Variants in ALDH1L1 observed in about 807,000 individuals in gnomAD.
ALDH1L1 encodes cytosolic 10-formyltetrahydrofolate dehydrogenase.
In ALDH1L1, 68 loss-of-function variants were observed where a neutral mutation model predicts 101.1. The ratio of observed to expected loss-of-function variants is 0.67; its 90% confidence interval spans 0.55 to 0.82. ALDH1L1 has a LOEUF of 0.82. Among genes scored for constraint, ALDH1L1 ranks in the 40% least tolerant of loss-of-function variants. The pLI, the probability that ALDH1L1 is intolerant of heterozygous loss-of-function variation, is 0.00. For missense variants in ALDH1L1, 1,087 were observed against 1,172.7 expected, an observed-to-expected ratio of 0.93 and a Z score of 1.07; for synonymous variants, 486 against 470.8, an observed-to-expected ratio of 1.03 and a Z score of -0.42.
intron 11 of ALDH1L1, among the ~76,000 whole-genome samples, 161 bp downstream of exon 11, chr3:126,136,603 A>G (rs9282696): frequency 0.06 from 9,055 of 152,068 alleles, 852 homozygotes; most frequent in African/African-American, 0.2. Flanking sequence ...CACTCCAGTA[A>G]GGTGGGCTGG....
rs549410815 is a variant in ALDH1L1 at position 126,171,613 on chromosome 3, A to G, written c.-24+8863T>C. Among the ~76,000 whole-genome samples the G allele has an allele frequency of 2.6e-5, 4 of 152,276 alleles. No individual in the cohort carries two copies. In the South Asian group the frequency reaches 8.3e-4, roughly 32 times the overall value. On this transcript the variant is annotated intron_variant, in intron 1 of 22. Transcript: ENST00000393434. The stretch of plus-strand genomic sequence containing the variant: ...TTCTCACAGTAAGGATTGGAGAAAA[A>G]TCCCCTTCTGGTTTTGGCAGGAGGC...
chr3:126,147,394 A>G (rs1255935768), intron 8 of ALDH1L1, among the ~76,000 whole-genome samples: 3 of 152,186 alleles, frequency 2.0e-5, no homozygotes, highest in Admixed American at 2.0e-4. Flanking sequence ...GAAGGTGACT[A>G]TGAGGCTCAC....
At chr3:126,135,445 A>G (rs756429433) in intron 12 of ALDH1L1, 90 bp downstream of exon 12, 99 of 1,543,958 alleles carry the variant, frequency 6.4e-5, no homozygotes, top group Middle Eastern at 1.7e-4. Flanking sequence ...TCCTCCTGGC[A>G]GGTAAAAGGG....
intron 4 of ALDH1L1, chr3:126,156,089 C>T (rs1210455937): frequency 6.6e-6 from 1 of 152,324 alleles, no homozygotes; most frequent in Non-Finnish European, 1.5e-5. Context: ...CCAATGGAGC[C>T]CTCTGTGGTG....
intron 1 of ALDH1L1, among the ~76,000 whole-genome samples, chr3:126,167,835 G>A (rs2081198983): frequency 6.6e-6 from 1 of 152,070 alleles, no homozygotes; most frequent in African/African-American, 2.4e-5. Context: ...TTACCCAAGT[G>A]TTTAAAATTG....
chr3:126,109,655 A>T (rs989708412), intron 20 of ALDH1L1, among the ~76,000 whole-genome samples: 1 of 152,202 alleles, frequency 6.6e-6, no homozygotes, highest in Non-Finnish European at 1.5e-5. Flanking sequence ...ATCTAGTCTC[A>T]TGAAATCTAT....
chr3:126,111,281 G>A (rs1028055268), intron 19 of ALDH1L1, among the ~76,000 whole-genome samples: 1 of 152,258 alleles, frequency 6.6e-6, no homozygotes. Flanking sequence ...AATGTTTCGT[G>A]CATTTCAAGA....
At chr3:126,104,161 C>T in intron 22 of ALDH1L1, 1 of 434,748 alleles carries the variant, frequency 2.3e-6, no homozygotes, top group Non-Finnish European at 4.2e-6. Flanking sequence ...GGCGTTACTG[C>T]CCAGACTCAC....
At chr3:126,138,553 G>A (rs184374899) in intron 9 of ALDH1L1, among the ~76,000 whole-genome samples, 30 of 152,246 alleles carry the variant, frequency 2.0e-4, no homozygotes, top group African/African-American at 7.0e-4. Context: ...AGGCACTGGG[G>A]AAATGCAAAT....
intron 14 of ALDH1L1, among the ~76,000 whole-genome samples, chr3:126,128,053 G>C (rs552635979): frequency 2.6e-5 from 4 of 152,136 alleles, no homozygotes; most frequent in Non-Finnish European, 5.9e-5. Flanking sequence ...TGGGATCCGT[G>C]AGGCCAGCAC....
At chr3:126,132,378 A>G (rs1559935858) in intron 12 of ALDH1L1, among the ~76,000 whole-genome samples, 1 of 151,904 alleles carries the variant, frequency 6.6e-6, no homozygotes, top group African/African-American at 2.4e-5. Flanking sequence ...ACCTGCCTAC[A>G]CCCACCAGGA....
chr3:126,105,977 T>TGGCCCACTCCACACCCC lies in ALDH1L1; in HGVS notation c.2454-69_2454-53dup, dbSNP rs778930779. On this transcript the variant is annotated intron_variant, in intron 21 of 22. Transcript: ENST00000393434. ...CCTGAGGGAGGTGCAGAGGAGAGCC[T>TGGCCCACTCCACACCCC]GGCCCACTCCACACCCCGGCCCACT... 3.2e-6 allele frequency: 5 copies of TGGCCCACTCCACACCCC among 1,571,958 alleles called. No individual in the cohort carries two copies. In the East Asian group the frequency reaches 6.8e-5, roughly 21 times the overall value.
intron 9 of ALDH1L1, among the ~76,000 whole-genome samples, chr3:126,138,343 CA>C (rs1161052539): frequency 6.6e-6 from 1 of 152,180 alleles, no homozygotes; most frequent in African/African-American, 2.4e-5. Flanking sequence ...AGAATGAAAA[CA>C]TAAGCCACAG....
At chr3:126,148,491 T>A (rs551898226) in intron 8 of ALDH1L1, among the ~76,000 whole-genome samples, 1 of 152,268 alleles carries the variant, frequency 6.6e-6, no homozygotes, top group East Asian at 1.9e-4. Context: ...GTTTTGGCCA[T>A]GTCCCCTCTA....
chr3:126,174,905 T>C (rs942397455), intron 1 of ALDH1L1, among the ~76,000 whole-genome samples: 3 of 151,930 alleles, frequency 2.0e-5, no homozygotes, highest in African/African-American at 7.2e-5. Context: ...ACAGCAGAAC[T>C]TGTGAAATTG....
chr3:126,140,661 A>G (rs918254695), intron 9 of ALDH1L1, among the ~76,000 whole-genome samples: 10 of 152,128 alleles, frequency 6.6e-5, no homozygotes, highest in African/African-American at 9.6e-5. Flanking sequence ...GGGAAGGAAA[A>G]GAGATGTATA....
At chr3:126,170,473 A>G (rs1206393662) in intron 1 of ALDH1L1, among the ~76,000 whole-genome samples, 4 of 151,268 alleles carry the variant, frequency 2.6e-5, no homozygotes, top group African/African-American at 9.7e-5. Context: ...GTCGGGCCTA[A>G]TAAAAAATGC....
chr3:126,174,395 C>G (rs2081336324), intron 1 of ALDH1L1, among the ~76,000 whole-genome samples: 1 of 152,206 alleles, frequency 6.6e-6, no homozygotes, highest in Non-Finnish European at 1.5e-5. Flanking sequence ...ACAGCACCAT[C>G]AATTAAGTGT....
At chr3:126,194,408 G>A (rs1352025821) in intron 1 of ALDH1L1, among the ~76,000 whole-genome samples, 1 of 152,136 alleles carries the variant, frequency 6.6e-6, no homozygotes, top group Non-Finnish European at 1.5e-5. Context: ...AGACTATTTT[G>A]AAGCTGAAAT....
Sources: allele counts gnomAD v4.1 joint callset (sites outside exome capture counted in the v4.1 genomes callset), GRCh38; gene constraint gnomAD v4.1.1; transcripts MANE v1.5; gene names NCBI Gene and HGNC (gene_info 2026-07-23, HGNC 2026-07-21).